Variants in TRAPPC9 observed in about 807,000 individuals in gnomAD.
The protein encoded by TRAPPC9 is trafficking protein particle complex subunit 9.
TRAPPC9 carries 83 observed loss-of-function variants against 124.0 expected under a neutral mutation model. The ratio of observed to expected loss-of-function variants is 0.67; its 90% CI spans 0.56 to 0.80. The LOEUF is 0.80. TRAPPC9 is among the 30% of genes least tolerant of loss of function. The pLI is 0.00. For missense variants in TRAPPC9, 1,302 were observed against 1,508.3 expected (o/e 0.86, Z 2.27); for synonymous variants, 638 against 617.5 (o/e 1.03, Z -0.49).
chr8:139,836,156 C>G (rs1436965888), intron 21 of TRAPPC9, among the ~76,000 whole-genome samples: 1 of 152,104 alleles, frequency 6.6e-6, no homozygotes, highest in Non-Finnish European at 1.5e-5. Flanking sequence ...TTACAGGCAC[C>G]CACCGCCACA....
chr8:140,156,654 T>A (rs988856501), intron 17 of TRAPPC9, among the ~76,000 whole-genome samples: 36 of 152,278 alleles, frequency 2.4e-4, no homozygotes, highest in African/African-American at 7.7e-4. Context: ...CTCCATGACC[T>A]CTGCAGAAAC....
chr8:140,220,237 C>T (rs1431836517), intron 17 of TRAPPC9, among the ~76,000 whole-genome samples: 4 of 152,172 alleles, frequency 2.6e-5, no homozygotes, highest in Non-Finnish European at 5.9e-5. Context: ...CTAAAAGATC[C>T]AGCTTTCCAC....
At chr8:139,989,502 C>A (rs1837489051) in intron 18 of TRAPPC9, among the ~76,000 whole-genome samples, 1 of 152,224 alleles carries the variant, frequency 6.6e-6, no homozygotes, top group African/African-American at 2.4e-5. Context: ...GAAGTTCTAG[C>A]CAGTAAGGCA....
intron 16 of TRAPPC9, among the ~76,000 whole-genome samples, chr8:140,251,738 T>A (rs1276822937): frequency 2.0e-5 from 3 of 152,064 alleles, no homozygotes; most frequent in Non-Finnish European, 4.4e-5. Context: ...ATGAGATGAG[T>A]GCCCTTGTAA....
chr8:140,371,804 A>G (rs1030297979), intron 7 of TRAPPC9, among the ~76,000 whole-genome samples: 2 of 152,244 alleles, frequency 1.3e-5, no homozygotes, highest in African/African-American at 4.8e-5. Flanking sequence ...CCCGGGTTCA[A>G]GAGATTCTCC....
intron 9 of TRAPPC9, among the ~76,000 whole-genome samples, chr8:140,321,416 C>T (rs984882673): frequency 2.0e-5 from 3 of 152,218 alleles, no homozygotes; most frequent in African/African-American, 4.8e-5. Context: ...CTGTTCAACT[C>T]TAAAAAGTGG....
At position 140,439,095 on chromosome 8, in the gene TRAPPC9, C is replaced by A. The variant is rs776317177; in HGVS notation, c.687G>T (p.Ser229=). ...LQDSLVHYHM[S]VELLRSVNDF... ...CATTCACAGAACGCAGCAGCTCCAC[C>A]GACATGTGGTAATGCACCAGGGAGT... is the stretch of plus-strand genomic sequence containing the variant. The change falls in exon 3 of 23, where the codon TCG becomes TCT. Residue 229 remains serine, a synonymous_variant. Transcript: ENST00000438773. The A allele has an allele frequency of 6.2e-7, 1 of 1,614,230 alleles. No individual in the cohort carries two copies. The highest frequency in any genetic ancestry group is 8.5e-7 in the Non-Finnish European group (1 of 1,180,044).
At chr8:140,264,165 T>C (rs1033603674) in intron 15 of TRAPPC9, among the ~76,000 whole-genome samples, 4 of 152,060 alleles carry the variant, frequency 2.6e-5, no homozygotes, top group Non-Finnish European at 5.9e-5. Flanking sequence ...CCCAGCAGGG[T>C]GGGTAGCTCT....
At chr8:140,086,309 G>A (rs999650710) in intron 17 of TRAPPC9, among the ~76,000 whole-genome samples, 1 of 152,226 alleles carries the variant, frequency 6.6e-6, no homozygotes, top group Non-Finnish European at 1.5e-5. Context: ...GATGAAAGGA[G>A]CAGGGAGAGG....
chr8:140,069,329 C>T (rs1170682235), intron 17 of TRAPPC9, among the ~76,000 whole-genome samples: 3 of 152,162 alleles, frequency 2.0e-5, no homozygotes, highest in African/African-American at 2.4e-5. Flanking sequence ...GGCAAATCAG[C>T]AACTTAAGGC....
chr8:139,899,076 C>T (rs1356682615), intron 20 of TRAPPC9, among the ~76,000 whole-genome samples: 1 of 139,090 alleles, frequency 7.2e-6, no homozygotes. Flanking sequence ...GCCGAGATCG[C>T]ACCATTGCAC....
At chr8:139,893,513 G>A (rs764863324) in intron 20 of TRAPPC9, among the ~76,000 whole-genome samples, 1 of 152,234 alleles carries the variant, frequency 6.6e-6, no homozygotes, top group Non-Finnish European at 1.5e-5. Context: ...TTGAGGAACC[G>A]TGAACACCTT....
At chr8:140,358,538 C>T (rs1397147765) in intron 9 of TRAPPC9, among the ~76,000 whole-genome samples, 2 of 152,222 alleles carry the variant, frequency 1.3e-5, no homozygotes, top group Non-Finnish European at 2.9e-5. Context: ...CACAACCACC[C>T]TCAGAGATGC....
At chr8:139,985,980 C>G (rs1222862681) in intron 19 of TRAPPC9, among the ~76,000 whole-genome samples, 3 of 152,232 alleles carry the variant, frequency 2.0e-5, no homozygotes, top group Non-Finnish European at 2.9e-5. Flanking sequence ...CCTAGTGGCT[C>G]TTGCCTGTAA....
rs910704026 is a variant in TRAPPC9, at chr8:140,022,503, C to T, written c.2699+1434G>A. Among the ~76,000 whole-genome samples the T allele has an allele frequency of 1.3e-5, 2 of 152,046 alleles. 1 individual carries two copies. The highest frequency in any genetic ancestry group is 4.1e-4 in the South Asian group (2 of 4,820). On this transcript the variant is annotated intron_variant, in intron 18 of 22. Transcript: ENST00000438773. ...CATCTTCAACTGTCATTTAGAACTG[C>T]AGGGGTCATGACGTGAAAACCAGAT...
intron 9 of TRAPPC9, among the ~76,000 whole-genome samples, chr8:140,314,649 A>G (rs952269817): frequency 2.0e-5 from 3 of 152,278 alleles, no homozygotes; most frequent in Admixed American, 2.0e-4. Context: ...TAATTCCATG[A>G]GACAAACGTT....
In TRAPPC9 at chr8:139,853,151, C is replaced by G. The variant is rs150721838; in HGVS notation, c.3055+32728G>C. Among the ~76,000 whole-genome samples the G allele has an allele frequency of 5.9e-3, 893 of 152,312 alleles. 16 individuals are homozygous for G. The highest frequency in any genetic ancestry group is 0.021 in the African/African-American group (860 of 41,580). ...CTGAATTCTGTAAAGGCCTCTGGCC[C>G]CCAGGCCTTCCCTGTTCCAGATGGT... On this transcript the variant is annotated intron_variant, in intron 21 of 22. Coordinates refer to ENST00000438773, the MANE Select transcript of TRAPPC9 (RefSeq NM_001160372.4).
At chr8:139,786,975 G>T (rs980918796) in intron 21 of TRAPPC9, among the ~76,000 whole-genome samples, 4 of 152,144 alleles carry the variant, frequency 2.6e-5, no homozygotes, top group Non-Finnish European at 5.9e-5. Context: ...GGTTTCACGG[G>T]TGTGTATGCT....
chr8:139,832,798 C>A (rs1391626693), intron 21 of TRAPPC9, among the ~76,000 whole-genome samples: 1 of 152,122 alleles, frequency 6.6e-6, no homozygotes, highest in African/African-American at 2.4e-5. Flanking sequence ...CAAGATGACC[C>A]CCGGAGACCC....
Sources: gnomAD v4.1 joint callset for allele counts (sites outside exome capture counted in the v4.1 genomes callset) on GRCh38, gnomAD v4.1.1 for gene constraint, MANE v1.5 for transcripts, NCBI Gene and HGNC (gene_info 2026-07-23, HGNC 2026-07-21) for gene names.